The following VCL variants were observed in gnomAD, a reference collection of about 807,000 sequenced individuals.
VCL encodes the protein epididymis luminal protein 114.
VCL carries 47 observed loss-of-function variants against 125.7 expected under a neutral mutation model. The observed-to-expected ratio is 0.37, with a 90% CI of 0.30 to 0.48. The LOEUF is 0.48. VCL is among the 20% of genes least tolerant of loss of function. The pLI, the probability that VCL is intolerant of heterozygous loss-of-function variation, is 0.99. For synonymous variants in VCL, 458 were observed against 514.6 expected, an observed-to-expected ratio of 0.89 and a Z score of 1.49; for missense variants, 1,069 against 1,455.5, an observed-to-expected ratio of 0.73 and a Z score of 4.32.
intron 2 of VCL, among the ~76,000 whole-genome samples, chr10:74,068,471 C>T (rs1841610241): frequency 1.3e-5 from 2 of 152,178 alleles, no homozygotes; most frequent in South Asian, 4.2e-4. Context: ...ATTACAGGCC[C>T]CTGCCACCAT....
chr10:74,072,567 A>G (rs941615984), intron 4 of VCL, among the ~76,000 whole-genome samples, 163 bp from the exon 5 acceptor site: 1 of 152,224 alleles, frequency 6.6e-6, no homozygotes, highest in Non-Finnish European at 1.5e-5. Context: ...CATTGAAAAG[A>G]GTAATGTTGC....
Position 74,063,026 on chromosome 10 carries a change from C to T in VCL, c.240-7644C>T, listed in dbSNP as rs567794055. The stretch of plus-strand genomic sequence containing the variant: ...TGGAGGTTGCTTTGAGCCGAGATCG[C>T]ACCACTGCACTCCAGCCTGGGCGAC... On this transcript the variant is annotated intron_variant, in intron 2 of 21. Coordinates refer to ENST00000211998, the MANE Select transcript of VCL (RefSeq NM_014000.3). 7.2e-5 allele frequency among the ~76,000 whole-genome samples: 11 copies of T among 152,240 alleles called. No homozygotes were observed. In the East Asian group the frequency reaches 2.1e-3, roughly 30 times the overall value.
chr10:74,066,872 A>G (rs960271236), intron 2 of VCL, among the ~76,000 whole-genome samples: 1 of 152,006 alleles, frequency 6.6e-6, no homozygotes, highest in Admixed American at 6.6e-5. Flanking sequence ...GGGTTTCACC[A>G]TGTTGGCCAG....
At chr10:74,109,210 A>G in intron 18 of VCL, 54 bp downstream of exon 18, 2 of 1,607,780 alleles carry the variant, frequency 1.2e-6, no homozygotes, top group Middle Eastern at 1.9e-4. Context: ...GAAAGGATGA[A>G]GGACCATGAA....
Position 74,072,724 on chromosome 10 carries a change from C to A in VCL, c.500-6C>A. The A allele has an allele frequency of 1.2e-6, 2 of 1,613,784 alleles. No individual in the cohort carries two copies. Among genetic ancestry groups the A allele is most frequent in the Non-Finnish European group, 1.7e-6 (2 of 1,179,888 alleles). On this transcript the variant is annotated splice_region_variant and splice_polypyrimidine_tract_variant and intron_variant, in intron 4 of 21. Transcript: ENST00000211998. ...CACCCTGCACAATTTCTTCTTTGTG[C>A]CCCAGGAATGACTAAGATGGCCAAG...
Position 74,066,061 on chromosome 10 carries a change from A to T in VCL, c.240-4609A>T, listed in dbSNP as rs867597156. ...AATCAATTTTGGTATATATATATAT[A>T]TTTTTTTTTTTTTTTGAGATGGAGT... On this transcript the variant is annotated intron_variant, in intron 2 of 21. Coordinates refer to ENST00000211998, the MANE Select transcript of VCL (RefSeq NM_014000.3). Among the ~76,000 whole-genome samples the T allele has an allele frequency of 5.7e-3, 781 of 137,476 alleles. 3 individuals are homozygous for T. Among genetic ancestry groups the T allele is most frequent in the Middle Eastern group, 0.011 (3 of 274 alleles). 90.2% of individuals were successfully genotyped at this position (137,476 alleles called of 152,430 possible). A position where few individuals can be genotyped will look rare whatever the true frequency, so the allele number is the denominator to read the frequency against.
intron 19 of VCL, 89 bp from the exon 20 acceptor site, chr10:74,114,095 G>C (rs1840272894): frequency 1.3e-6 from 2 of 1,504,614 alleles, no homozygotes; most frequent in East Asian, 2.3e-5. Flanking sequence ...AAGGTGGCAA[G>C]CTCCCTCCTC....
rs1591716112 is a variant in VCL at position 74,109,158 on chromosome 10, T to C, written c.2745+2T>C. The C allele has an allele frequency of 6.2e-7, 1 of 1,613,784 alleles. No homozygotes were observed. The highest frequency in any genetic ancestry group is 1.1e-5 in the South Asian group (1 of 91,056). On this transcript the variant is annotated splice_donor_variant, in intron 18 of 21. Coordinates refer to ENST00000211998, the MANE Select transcript of VCL (RefSeq NM_014000.3). LOFTEE classifies it high-confidence loss of function. ...GAAGCTCGCAAATGGTCCAGCAAGG[T>C]AAGTAGTGAAGCTTTTCTTGTTGAG...
rs1019703625 is a variant in VCL, at chr10:74,007,856, G to A, written c.168+9481G>A. Among the ~76,000 whole-genome samples, 10 of 150,468 alleles carry A rather than the reference G, an allele frequency of 6.6e-5. No homozygotes were observed. The East Asian group carries it at 7.8e-4, about 12-fold the overall frequency. On this transcript the variant is annotated intron_variant, in intron 1 of 21. Transcript: ENST00000211998. The stretch of plus-strand genomic sequence containing the variant: ...TCATTCTTGTTGCCCAGGCTGGAGC[G>A]CAGTGGCACAATCTCCGCTCACTGC...
In VCL at chr10:74,074,849, G is replaced by A. The variant is rs1310997693; in HGVS notation, c.729G>A (p.Glu243=). 1 of 1,614,122 alleles carries A rather than the reference G, an allele frequency of 6.2e-7. No individual in the cohort carries two copies. Residue 243 remains glutamate, a synonymous_variant, in exon 6 of 22, where the codon GAG becomes GAA. Transcript: ENST00000211998. The part of the protein sequence containing the change: ...TVEKMSAEIN[E]IIRVLQLTSW... The stretch of plus-strand genomic sequence containing the variant: ...AAAAAATGAGTGCTGAAATTAATGA[G>A]ATAATTCGTGTGTTACAACTCACCT...
chr10:74,008,514 T>G (rs1840360533), intron 1 of VCL, among the ~76,000 whole-genome samples: 1 of 152,210 alleles, frequency 6.6e-6, no homozygotes, highest in African/African-American at 2.4e-5. Context: ...GTTGATATAT[T>G]ATTTGGAGCC....
intron 2 of VCL, among the ~76,000 whole-genome samples, chr10:74,058,370 G>A (rs1480146347): frequency 6.6e-6 from 1 of 152,230 alleles, no homozygotes; most frequent in East Asian, 1.9e-4. Flanking sequence ...ATCGTGGTAT[G>A]TAAACACCTG....
At chr10:74,114,546 G>GA (rs1235783867) in intron 20 of VCL, among the ~76,000 whole-genome samples, 159 bp downstream of exon 20, 1 of 151,104 alleles carries the variant, frequency 6.6e-6, no homozygotes, top group Non-Finnish European at 1.5e-5. Context: ...AGCAGAAAGG[G>GA]AAAAAAACAA....
chr10:74,018,781 C>A (rs2136232116), intron 1 of VCL, among the ~76,000 whole-genome samples: 1 of 152,256 alleles, frequency 6.6e-6, no homozygotes, highest in Non-Finnish European at 1.5e-5. Context: ...GTCTCCCTTT[C>A]CCCCTTGAAC....
At chr10:74,052,139 G>A (rs1051269765) in intron 2 of VCL, among the ~76,000 whole-genome samples, 1 of 152,140 alleles carries the variant, frequency 6.6e-6, no homozygotes, top group Non-Finnish European at 1.5e-5. Flanking sequence ...GCAATGGTAA[G>A]GTGACCTATC....
At chr10:74,077,795 T>C (rs1334395546) in intron 6 of VCL, 2 of 452,256 alleles carry the variant, frequency 4.4e-6, no homozygotes, top group Admixed American at 4.8e-5. Context: ...CCGAATAAGT[T>C]AAGATTTTAA....
chr10:74,078,300 A>T (rs1839623822), intron 6 of VCL, among the ~76,000 whole-genome samples: 1 of 152,150 alleles, frequency 6.6e-6, no homozygotes, highest in Non-Finnish European at 1.5e-5. Context: ...AGTGACTCAG[A>T]TGCCTTATAC....
intron 1 of VCL, among the ~76,000 whole-genome samples, chr10:74,031,541 G>A (rs1840872906): frequency 6.6e-6 from 1 of 152,068 alleles, no homozygotes; most frequent in African/African-American, 2.4e-5. Flanking sequence ...ATGATCTCAG[G>A]TTAGATGAAG....
At position 74,111,945 on chromosome 10, in the gene VCL, G is replaced by T; in HGVS notation, c.2782G>T (p.Val928Leu). 1 of 1,614,242 alleles carries T rather than the reference G, an allele frequency of 6.2e-7. No homozygotes were observed. Among genetic ancestry groups the T allele is most frequent in the Non-Finnish European group, 8.5e-7 (1 of 1,180,038 alleles). ...IPAAEVGIGV[V>L]AEADAADAAG... ...AGCCGCTGAGGTGGGTATAGGTGTT[G>T]TAGCTGAGGCAGATGCGGCCGATGC... The change falls in exon 19 of 22, where the codon GTA becomes TTA. Residue 928 changes from valine (V) to leucine (L), a missense_variant. Val to Leu is a conservative substitution (Grantham distance 32, BLOSUM62 1). This residue lies in a region of VCL where 86 missense variants were observed against 91.0 expected (regional missense o/e 0.95). Coordinates refer to ENST00000211998, the MANE Select transcript of VCL (RefSeq NM_014000.3).
Sources: gnomAD v4.1 joint callset for allele counts (sites outside exome capture counted in the v4.1 genomes callset) on GRCh38, gnomAD v4.1.1 for gene constraint, gnomAD v4.1.1 regional missense constraint, MANE v1.5 for transcripts, NCBI Gene and HGNC (gene_info 2026-07-23, HGNC 2026-07-21) for gene names.